The following NRG2 variants were observed in gnomAD, a reference collection of about 807,000 sequenced individuals.
NRG2 encodes pro-neuregulin-2, membrane-bound isoform.
NRG2 carries 27 observed loss-of-function variants against 73.9 expected under a neutral mutation model. The ratio of observed to expected loss-of-function variants is 0.37; its 90% CI spans 0.27 to 0.50. The LOEUF is 0.50. NRG2 is among the 20% of genes least tolerant of loss of function. The pLI is 0.96. For missense variants in NRG2, 1,126 were observed against 1,210.1 expected (o/e 0.93, Z 1.03); for synonymous variants, 532 against 541.0 (o/e 0.98, Z 0.23).
intron 1 of NRG2, among the ~76,000 whole-genome samples, chr5:139,966,653 C>T (rs985219): frequency 0.016 from 2,381 of 151,866 alleles, 53 homozygotes; most frequent in African/African-American, 0.054. Context: ...AGAGCATATG[C>T]GACTTAAAAA....
intron 5 of NRG2, among the ~76,000 whole-genome samples, chr5:139,859,306 G>A (rs1761992750): frequency 6.6e-6 from 1 of 152,142 alleles, no homozygotes; most frequent in South Asian, 2.1e-4. Context: ...ATCATGGAGG[G>A]AGTGACAGCC....
chr5:139,992,584 G>C (rs1429305295), intron 1 of NRG2, among the ~76,000 whole-genome samples: 1 of 152,068 alleles, frequency 6.6e-6, no homozygotes, highest in Non-Finnish European at 1.5e-5. Context: ...GTTTGCTCTA[G>C]TGTTTTTATA....
rs761944120 is a variant in NRG2 at position 139,887,362 on chromosome 5, G to A, written c.850C>T (p.Arg284Cys). Residue 284 changes from arginine (R) to cysteine (C), a missense_variant, in exon 2 of 10, where the codon CGC becomes TGC. By Grantham distance (180) the Arg-to-Cys change is radical. Coordinates refer to ENST00000361474, the MANE Select transcript of NRG2 (RefSeq NM_004883.3). The surrounding 1 kb of genome is among the most constrained non-coding windows in gnomAD (Gnocchi z 4.5). Reference sequence around the variant, plus strand: ...TACCTGCCGTTGCCATATTTGATGCGAATGTCTCGGCTGCGGTTGAGCTCC... The same window carrying A: ...TACCTGCCGTTGCCATATTTGATGCAAATGTCTCGGCTGCGGTTGAGCTCC... ...GKELNRSRDI[R>C]IKYGNGRKNS... 13 of 1,614,084 alleles carry A rather than the reference G, an allele frequency of 8.1e-6. No homozygotes were observed. Among genetic ancestry groups the A allele is most frequent in the East Asian group, 2.2e-5 (1 of 44,898 alleles).
At chr5:139,921,823 A>C (rs1751687459) in intron 1 of NRG2, among the ~76,000 whole-genome samples, 1 of 152,210 alleles carries the variant, frequency 6.6e-6, no homozygotes, top group Admixed American at 6.5e-5. Context: ...GCACTTTGAC[A>C]GGTCAAGGTC....
At chr5:139,945,729 TA>T (rs1260174613) in intron 1 of NRG2, among the ~76,000 whole-genome samples, 5 of 151,846 alleles carry the variant, frequency 3.3e-5, no homozygotes, top group Non-Finnish European at 5.9e-5. Context: ...AGGAGTCTAC[TA>T]AAAAAAGCCA....
At chr5:139,982,351 C>T (rs150381956) in intron 1 of NRG2, among the ~76,000 whole-genome samples, 4 of 152,056 alleles carry the variant, frequency 2.6e-5, no homozygotes, top group Admixed American at 2.0e-4. Context: ...TGCTCCTTTC[C>T]ACCTCCCTGC....
At chr5:139,878,038 C>T (rs933971188) in intron 3 of NRG2, among the ~76,000 whole-genome samples, 5 of 152,144 alleles carry the variant, frequency 3.3e-5, no homozygotes, top group Admixed American at 2.0e-4. Context: ...GACAGTAATC[C>T]GTGTGTGGGA....
intron 1 of NRG2, among the ~76,000 whole-genome samples, chr5:139,965,310 G>C (rs571659649): frequency 1.2e-4 from 18 of 152,308 alleles, no homozygotes; most frequent in African/African-American, 4.1e-4. Context: ...GGGACACCCC[G>C]ACTCTCTCAA....
chr5:139,988,460 A>C lies in NRG2; in HGVS notation c.700+53910T>G, dbSNP rs1263397118. On this transcript the variant is annotated intron_variant, in intron 1 of 9. Transcript: ENST00000361474. Reference sequence around the variant, plus strand: ...ACCAGTAAATGAAATATTCAGTGCTAAAAAGAAAAAAGCTATCAAGCCATG... The same window carrying C: ...ACCAGTAAATGAAATATTCAGTGCTCAAAAGAAAAAAGCTATCAAGCCATG... Among the ~76,000 whole-genome samples the C allele has an allele frequency of 1.3e-5, 2 of 152,072 alleles. 1 individual carries two copies. The highest frequency in any genetic ancestry group is 2.9e-5 in the Non-Finnish European group (2 of 67,964).
Position 140,043,041 on chromosome 5 carries a change from G to T in NRG2, c.29C>A (p.Pro10Gln). 6.5e-7 allele frequency: 1 copy of T among 1,535,686 alleles called. No homozygotes were observed. The highest frequency in any genetic ancestry group is 8.7e-7 in the Non-Finnish European group (1 of 1,147,164). Residue 10 changes from proline to glutamine, a missense_variant, in exon 1 of 10, where the codon CCG becomes CAG. Coordinates refer to ENST00000361474, the MANE Select transcript of NRG2 (RefSeq NM_004883.3). The surrounding 1 kb of genome is among the most constrained non-coding windows in gnomAD (Gnocchi z 6.7). Reference protein sequence around the residue: MRQVCCSALPPPPLEKGRCS... With the variant: MRQVCCSALQPPPLEKGRCS... ...CCGACCCTTCTCCAGTGGCGGCGGC[G>T]GCAGCGCTGAGCAGCAAACCTGCCG...
chr5:139,952,760 CGT>C (rs1440339174), intron 1 of NRG2, among the ~76,000 whole-genome samples: 1 of 151,828 alleles, frequency 6.6e-6, no homozygotes. Flanking sequence ...TGGGGCGGTG[CGT>C]GTGTGTGTGC....
chr5:139,934,007 T>C (rs917138855), intron 1 of NRG2, among the ~76,000 whole-genome samples: 8 of 152,182 alleles, frequency 5.3e-5, no homozygotes, highest in African/African-American at 1.9e-4. Context: ...GAGATCAGCC[T>C]GGAAAACATG....
In NRG2 at chr5:139,880,913, C is replaced by T; in HGVS notation, c.934G>A (p.Glu312Lys). The T allele has an allele frequency of 2.5e-6, 4 of 1,614,178 alleles. No homozygotes were observed. Among genetic ancestry groups the T allele is most frequent in the South Asian group, 2.2e-5 (2 of 91,088 alleles). ...KVEDAGEYVC[E>K]AENILGKDTV... Reference sequence around the variant, plus strand: ...TCCTTCCCCAGGATGTTCTCGGCCTCGCAGACATACTCCCCAGCGTCCTCC... The same window carrying T: ...TCCTTCCCCAGGATGTTCTCGGCCTTGCAGACATACTCCCCAGCGTCCTCC... The change falls in exon 3 of 10, where the codon GAG becomes AAG. Residue 312 changes from glutamate to lysine, a missense_variant. Physicochemically the swap from Glu to Lys is moderately conservative, Grantham distance 56. Transcript: ENST00000361474.
At chr5:139,944,886 T>C (rs1753692266) in intron 1 of NRG2, among the ~76,000 whole-genome samples, 1 of 152,122 alleles carries the variant, frequency 6.6e-6, no homozygotes, top group African/African-American at 2.4e-5. Context: ...CATATAAGAG[T>C]TCCCTTCTCT....
At chr5:139,938,945 GA>G (rs1561694038) in intron 1 of NRG2, among the ~76,000 whole-genome samples, 46 of 107,622 alleles carry the variant, frequency 4.3e-4, no homozygotes, top group African/African-American at 1.6e-3. Context: ...AAGAAAGAAA[GA>G]AAGAAAGAAA....
chr5:139,996,632 C>A (rs1289066446), intron 1 of NRG2, among the ~76,000 whole-genome samples: 1 of 152,212 alleles, frequency 6.6e-6, no homozygotes, highest in Non-Finnish European at 1.5e-5. Flanking sequence ...AGTGCTTTCT[C>A]TCTCTCTCCC....
chr5:139,921,134 A>G (rs766620792), intron 1 of NRG2, among the ~76,000 whole-genome samples: 1 of 152,204 alleles, frequency 6.6e-6, no homozygotes, highest in Non-Finnish European at 1.5e-5. Flanking sequence ...ATGTTCATAG[A>G]CGCAAAGACT....
intron 1 of NRG2, among the ~76,000 whole-genome samples, chr5:140,012,395 T>A (rs1283230920): frequency 2.0e-5 from 3 of 152,204 alleles, no homozygotes; most frequent in Non-Finnish European, 2.9e-5. Flanking sequence ...ATTCACTATA[T>A]ACACAAAGTA....
At position 139,847,137 on chromosome 5, in the gene NRG2, T is replaced by C. The variant is rs1353400597; in HGVS notation, c.*780A>G. On this transcript the variant is annotated 3_prime_UTR_variant, in exon 10 of 10. Coordinates refer to ENST00000361474, the MANE Select transcript of NRG2 (RefSeq NM_004883.3). ...ATGCAAAGGACATGCAGGTGTAAAA[T>C]AGAAAAGACGACCTGTAAACGAAGG... The C allele has an allele frequency of 1.3e-5, 2 of 152,060 alleles. No individual in the cohort carries two copies. The highest frequency in any genetic ancestry group is 1.5e-5 in the Non-Finnish European group (1 of 68,022). 9.4% of individuals were successfully genotyped at this position (152,060 alleles called of 1,614,324 possible).
Sources: allele counts gnomAD v4.1 joint callset (sites outside exome capture counted in the v4.1 genomes callset), GRCh38; gene constraint gnomAD v4.1.1; non-coding constraint Gnocchi (gnomAD v3.1); transcripts MANE v1.5; gene names NCBI Gene and HGNC (gene_info 2026-07-23, HGNC 2026-07-21).